IL1RL2: variants seen among roughly 807,000 people sequenced by gnomAD.
IL1RL2 encodes the protein interleukin 1 receptor like 2.
A neutral mutation model predicts 66.8 loss-of-function variants in IL1RL2; 68 were observed. The observed-to-expected ratio is 1.02, with a 90% CI of 0.84 to 1.25. The LOEUF is 1.25. IL1RL2 is among the 50% of genes most tolerant of loss of function. IL1RL2 has a pLI of 0.00. For synonymous variants in IL1RL2, 305 were observed against 264.6 expected (o/e 1.15, Z -1.48); for missense variants, 729 against 709.3 (o/e 1.03, Z -0.32).
chr2:102,204,809 A>T (rs1688565468), intron 5 of IL1RL2, among the ~76,000 whole-genome samples: 1 of 152,006 alleles, frequency 6.6e-6, no homozygotes, highest in Non-Finnish European at 1.5e-5. Flanking sequence ...TCATTCAGCC[A>T]TTCTACATCT....
Position 102,218,992 on chromosome 2 carries a change from A to G in IL1RL2, c.764A>G (p.Lys255Arg). Residue 255 changes from lysine (K) to arginine (R), a missense_variant, in exon 7 of 12, where the codon AAG becomes AGG. Coordinates refer to ENST00000264257, the MANE Select transcript of IL1RL2 (RefSeq NM_003854.4). ...LIVDCNVTDT[K>R]DNTNLRCWRV... The stretch of plus-strand genomic sequence containing the variant: ...GTGGACTGCAATGTAACAGACACCA[A>G]GGATAATACAAATCTACGATGCTGG... 2 of 1,613,620 alleles carry G rather than the reference A, an allele frequency of 1.2e-6. No homozygotes were observed. Among genetic ancestry groups the G allele is most frequent in the Non-Finnish European group, 1.7e-6 (2 of 1,179,506 alleles).
At chr2:102,199,101 T>C (rs1226663047) in intron 4 of IL1RL2, among the ~76,000 whole-genome samples, 1 of 152,242 alleles carries the variant, frequency 6.6e-6, no homozygotes, top group Non-Finnish European at 1.5e-5. Flanking sequence ...CTAAATTCTG[T>C]GGACTGGAAC....
chr2:102,207,785 G>A (rs577142058), intron 5 of IL1RL2, among the ~76,000 whole-genome samples: 23 of 152,266 alleles, frequency 1.5e-4, no homozygotes, highest in South Asian at 6.2e-4. Flanking sequence ...CCAGTCCACC[G>A]TCTCTGGGCA....
At position 102,230,726 on chromosome 2, in the gene IL1RL2, T is replaced by C. The variant is rs187834917; in HGVS notation, c.1136-2237T>C. Among the ~76,000 whole-genome samples, 571 of 152,254 alleles carry C rather than the reference T, an allele frequency of 3.8e-3. 2 individuals carry two copies. The highest frequency in any genetic ancestry group is 0.012 in the African/African-American group (513 of 41,546). On this transcript the variant is annotated intron_variant, in intron 9 of 11. Coordinates refer to ENST00000264257, the MANE Select transcript of IL1RL2 (RefSeq NM_003854.4). The stretch of plus-strand genomic sequence containing the variant: ...GTGCATGCGTGTATATGACTACATG[T>C]GCAAGCATGGGTGTGCATGCATGTG...
intron 8 of IL1RL2, among the ~76,000 whole-genome samples, chr2:102,223,898 A>ACAT (rs1690366059): frequency 3.3e-5 from 5 of 151,872 alleles, no homozygotes; most frequent in Non-Finnish European, 7.4e-5. Flanking sequence ...TTGAAGTGAG[A>ACAT]GGTTCTCACA....
At chr2:102,241,137 C>A (rs1675221109), downstream of IL1RL2, among the ~76,000 whole-genome samples, 1 of 152,248 alleles carries the variant, frequency 6.6e-6, no homozygotes, top group East Asian at 1.9e-4. Context: ...ACATTACCTT[C>A]TCGGGGCTCT....
intron 6 of IL1RL2, among the ~76,000 whole-genome samples, chr2:102,216,018 T>A (rs1350956391): frequency 6.6e-6 from 1 of 152,100 alleles, no homozygotes; most frequent in Non-Finnish European, 1.5e-5. Context: ...AGCACAATAA[T>A]TCTCCAGTAA....
intron 11 of IL1RL2, among the ~76,000 whole-genome samples, chr2:102,238,460 A>C (rs113839448): frequency 9.1e-4 from 139 of 152,232 alleles, no homozygotes; most frequent in Non-Finnish European, 1.7e-3. Context: ...CAAAATATGG[A>C]ATGTGCTCAG....
chr2:102,231,313 CA>C (rs1455473341), intron 9 of IL1RL2, among the ~76,000 whole-genome samples: 2 of 152,114 alleles, frequency 1.3e-5, no homozygotes, highest in Non-Finnish European at 2.9e-5. Context: ...GCCTGGCCAA[CA>C]TAACGAAACC....
chr2:102,199,421 T>C (rs1353633598), intron 4 of IL1RL2, among the ~76,000 whole-genome samples: 1 of 152,248 alleles, frequency 6.6e-6, no homozygotes, highest in Non-Finnish European at 1.5e-5. Flanking sequence ...GTAAGAATTC[T>C]CAAGGCTATT....
At chr2:102,187,466 T>C (rs1686783083) in intron 1 of IL1RL2, 10 of 949,596 alleles carry the variant, frequency 1.1e-5, no homozygotes, top group Non-Finnish European at 1.2e-5. Flanking sequence ...CGAGCGGGGT[T>C]GGGGTCCCAC....
At chr2:102,221,727 G>T (rs980917180) in intron 8 of IL1RL2, among the ~76,000 whole-genome samples, 1 of 152,102 alleles carries the variant, frequency 6.6e-6, no homozygotes, top group African/African-American at 2.4e-5. Context: ...GCTGGGTGAG[G>T]ACAGCATTGT....
At chr2:102,209,607 G>A (rs1316390440) in intron 5 of IL1RL2, among the ~76,000 whole-genome samples, 2 of 152,200 alleles carry the variant, frequency 1.3e-5, no homozygotes, top group Non-Finnish European at 2.9e-5. Flanking sequence ...AGGTCATGGA[G>A]TTAAGCAGGG....
intron 9 of IL1RL2, among the ~76,000 whole-genome samples, chr2:102,227,082 T>C (rs1182355858): frequency 6.6e-6 from 1 of 152,128 alleles, no homozygotes; most frequent in East Asian, 1.9e-4. Flanking sequence ...ATGCTACTTT[T>C]GTTTTGTTTT....
intron 5 of IL1RL2, among the ~76,000 whole-genome samples, chr2:102,203,489 T>C (rs1688447341): frequency 6.6e-6 from 1 of 151,820 alleles, no homozygotes; most frequent in Admixed American, 6.6e-5. Flanking sequence ...TAAATGTTTG[T>C]TAGAATTCAG....
chr2:102,224,129 A>G (rs918857988), intron 8 of IL1RL2, among the ~76,000 whole-genome samples: 1 of 152,186 alleles, frequency 6.6e-6, no homozygotes, highest in Admixed American at 6.5e-5. Context: ...TTTAATGAGT[A>G]TTTTATAGCC....
downstream of IL1RL2, among the ~76,000 whole-genome samples, chr2:102,242,609 C>T (rs920272819): frequency 6.6e-6 from 1 of 152,160 alleles, no homozygotes; most frequent in African/African-American, 2.4e-5. Flanking sequence ...AGAAGAATTC[C>T]TCCTTCTTCT....
At chr2:102,242,712 C>A (rs184293871), downstream of IL1RL2, among the ~76,000 whole-genome samples, 1 of 152,146 alleles carries the variant, frequency 6.6e-6, no homozygotes, top group Non-Finnish European at 1.5e-5. Context: ...TTGATTCCTG[C>A]GCTAATCTCC....
In IL1RL2 at chr2:102,188,978, G is replaced by T. The variant is rs1168382085; in HGVS notation, c.59-98G>T. 13 of 820,994 alleles carry T rather than the reference G, an allele frequency of 1.6e-5. No homozygotes were observed. The African/African-American group carries it at 1.7e-4, about 11-fold the overall frequency. The allele number at this position is 820,994 out of a possible 1,614,324, so 50.9% of individuals were successfully genotyped here. The stretch of plus-strand genomic sequence containing the variant: ...AAACTCCCAAATAAAATTTCAAATT[G>T]GCTGGAAAATTGAAGAGGCATTTAA... On this transcript the variant is annotated intron_variant, in intron 2 of 11. Transcript: ENST00000264257.
Sources: allele counts gnomAD v4.1 joint callset (sites outside exome capture counted in the v4.1 genomes callset), GRCh38; gene constraint gnomAD v4.1.1; transcripts MANE v1.5; gene names NCBI Gene and HGNC (gene_info 2026-07-23, HGNC 2026-07-21).